Variants in CNTLN observed in about 807,000 individuals in gnomAD.
CNTLN encodes the protein centlein, centrosomal protein.
A neutral mutation model predicts 180.0 loss-of-function variants in CNTLN; 212 were observed. That is an observed-to-expected ratio of 1.18 (90% CI 1.05 to 1.32). The LOEUF (loss-of-function observed/expected upper bound fraction) is 1.32. Ranked by LOEUF, CNTLN falls within the 40% of genes most tolerant of loss-of-function variation. The pLI is 0.00. For missense variants in CNTLN, 2,095 were observed against 1,610.9 expected, an observed-to-expected ratio of 1.30 and a Z score of -5.14; for synonymous variants, 722 against 563.1, an observed-to-expected ratio of 1.28 and a Z score of -3.99.
intron 1 of CNTLN, among the ~76,000 whole-genome samples, chr9:17,138,807 C>G (rs959737439): frequency 2.6e-5 from 4 of 152,098 alleles, no homozygotes; most frequent in African/African-American, 9.7e-5. Context: ...ATTGCCAACA[C>G]TAAATTATTT....
chr9:17,442,450 G>A (rs1830165842), intron 18 of CNTLN, among the ~76,000 whole-genome samples: 2 of 152,176 alleles, frequency 1.3e-5, no homozygotes, highest in African/African-American at 4.8e-5. Context: ...CCAGGCTGGA[G>A]TGCAGTGGCA....
intron 2 of CNTLN, among the ~76,000 whole-genome samples, chr9:17,171,433 G>A (rs1820413535): frequency 6.6e-6 from 1 of 152,194 alleles, no homozygotes. Context: ...GCTGAAGTCA[G>A]TATCTGCTAA....
intron 10 of CNTLN, among the ~76,000 whole-genome samples, chr9:17,334,629 C>T (rs1030594247): frequency 5.3e-5 from 8 of 152,084 alleles, no homozygotes; most frequent in African/African-American, 1.9e-4. Flanking sequence ...AACATGAGTG[C>T]AGCTGGAGGT....
intron 2 of CNTLN, among the ~76,000 whole-genome samples, chr9:17,150,020 G>A (rs1461350328): frequency 6.6e-6 from 1 of 151,932 alleles, no homozygotes. Context: ...TGGTAGATTT[G>A]TTTAAGTTCT....
chr9:17,375,374 T>A (rs1397773264), intron 13 of CNTLN, among the ~76,000 whole-genome samples: 2 of 152,080 alleles, frequency 1.3e-5, no homozygotes, highest in African/African-American at 4.8e-5. Context: ...GGGTGACTAT[T>A]AAAAAATAAT....
At chr9:17,384,424 T>G (rs1305323930) in intron 13 of CNTLN, among the ~76,000 whole-genome samples, 1 of 152,220 alleles carries the variant, frequency 6.6e-6, no homozygotes, top group East Asian at 1.9e-4. Flanking sequence ...CTTTGAATTT[T>G]CACTGATTGA....
chr9:17,486,956 G>A (rs781147196), intron 24 of CNTLN, 33 bp from the exon 25 acceptor site: 24 of 1,170,820 alleles, frequency 2.0e-5, no homozygotes, highest in South Asian at 1.4e-4. Flanking sequence ...TATAAATTTC[G>A]TTAACACCAG....
rs146301364 is a variant in CNTLN, at chr9:17,307,069, A to G, written c.1147-1989A>G. Among the ~76,000 whole-genome samples, 758 of 152,220 alleles carry G rather than the reference A, an allele frequency of 5.0e-3. 4 individuals carry two copies. The highest frequency in any genetic ancestry group is 0.017 in the African/African-American group (704 of 41,546). On this transcript the variant is annotated intron_variant, in intron 7 of 25. Transcript: ENST00000380647. Reference sequence around the variant, plus strand: ...AGGTTCCTACTCTTTCTTGCCTCCTAGAATATTTGATGGTATCAGCTGTGG... The same window carrying G: ...AGGTTCCTACTCTTTCTTGCCTCCTGGAATATTTGATGGTATCAGCTGTGG...
chr9:17,306,002 A>G (rs565945417), intron 7 of CNTLN, among the ~76,000 whole-genome samples: 1 of 152,294 alleles, frequency 6.6e-6, no homozygotes, highest in African/African-American at 2.4e-5. Context: ...TCAGTGCAAG[A>G]CATAGAGTTT....
At chr9:17,395,971 A>G (rs1439448849) in intron 15 of CNTLN, among the ~76,000 whole-genome samples, 1 of 152,184 alleles carries the variant, frequency 6.6e-6, no homozygotes, top group Non-Finnish European at 1.5e-5. Context: ...CCTTGCTGAT[A>G]AAACAGGTTA....
At chr9:17,433,169 A>AAT (rs1829532921) in intron 18 of CNTLN, among the ~76,000 whole-genome samples, 1 of 152,168 alleles carries the variant, frequency 6.6e-6, no homozygotes, top group South Asian at 2.1e-4. Flanking sequence ...GAAGAGTAAA[A>AAT]AAAGTGACAA....
rs1475592425 is a variant in CNTLN, at chr9:17,342,232, A to G, written c.1767-93A>G. The G allele has an allele frequency of 2.3e-6, 3 of 1,277,858 alleles. No homozygotes were observed. In the African/African-American group the frequency reaches 4.6e-5, roughly 20 times the overall value. 79.2% of individuals were successfully genotyped at this position (1,277,858 alleles called of 1,614,324 possible). On this transcript the variant is annotated intron_variant, in intron 11 of 25. Transcript: ENST00000380647. ...GTGAACTCGAGTTAGAAATTTGGTC[A>G]ATAGATATTTTTAAATTTTAAGGAA...
intron 5 of CNTLN, among the ~76,000 whole-genome samples, chr9:17,248,147 T>C (rs974957416): frequency 6.6e-6 from 1 of 152,288 alleles, no homozygotes; most frequent in Middle Eastern, 3.4e-3. Flanking sequence ...TATACTGGTG[T>C]GGTGTACTCT....
At chr9:17,381,871 T>A (rs529223155) in intron 13 of CNTLN, among the ~76,000 whole-genome samples, 23 of 152,268 alleles carry the variant, frequency 1.5e-4, no homozygotes, top group Middle Eastern at 3.4e-3. Context: ...CTGAACATGT[T>A]CTTTTCAAGG....
chr9:17,214,643 A>C (rs1310796888), intron 2 of CNTLN, among the ~76,000 whole-genome samples: 1 of 152,216 alleles, frequency 6.6e-6, no homozygotes. Flanking sequence ...AATATCCTGC[A>C]GAGTGTTTTC....
chr9:17,366,523 G>A (rs1048735905), intron 12 of CNTLN, 94 bp from the exon 13 acceptor site: 10 of 538,778 alleles, frequency 1.9e-5, no homozygotes, highest in East Asian at 7.2e-5. Context: ...TACTGACTTT[G>A]ATATATTATT....
chr9:17,489,664 A>G (rs1005321390), intron 25 of CNTLN, among the ~76,000 whole-genome samples: 1 of 152,140 alleles, frequency 6.6e-6, no homozygotes, highest in Admixed American at 6.6e-5. Flanking sequence ...GTAATGTGGA[A>G]CTAATAATAA....
chr9:17,340,398 G>T (rs1309128944), intron 10 of CNTLN, among the ~76,000 whole-genome samples: 2 of 152,100 alleles, frequency 1.3e-5, no homozygotes, highest in African/African-American at 2.4e-5. Flanking sequence ...ATGAATTCAT[G>T]TGCTAAATAA....
intron 2 of CNTLN, among the ~76,000 whole-genome samples, chr9:17,224,891 G>T (rs1430107006): frequency 2.0e-5 from 3 of 151,664 alleles, no homozygotes; most frequent in African/African-American, 4.8e-5. Context: ...CATGTATTTT[G>T]AATTTTTTTG....
Sources: gnomAD v4.1 joint callset for allele counts (sites outside exome capture counted in the v4.1 genomes callset) on GRCh38, gnomAD v4.1.1 for gene constraint, MANE v1.5 for transcripts, NCBI Gene and HGNC (gene_info 2026-07-23, HGNC 2026-07-21) for gene names.